Variants in CYLC1 observed in about 807,000 individuals in gnomAD.
CYLC1 encodes the protein cylicin-1.
A neutral mutation model predicts 31.6 loss-of-function variants in CYLC1; 2 were observed. The observed-to-expected ratio is 0.06, with a 90% confidence interval of 0.03 to 0.20. The LOEUF is 0.20. Ranked by LOEUF, CYLC1 falls within the 10% of genes least tolerant of loss-of-function variation. CYLC1 has a pLI of 1.00. For missense variants in CYLC1, 595 were observed against 424.1 expected, an observed-to-expected ratio of 1.40 and a Z score of -3.54; for synonymous variants, 185 against 153.0, an observed-to-expected ratio of 1.21 and a Z score of -1.54.
chrX:83,879,231 A>T (rs1381013810), intron 4 of CYLC1, among the ~76,000 whole-genome samples: 5 of 110,451 alleles, frequency 4.5e-5, no homozygotes, highest in African/African-American at 6.6e-5. Context: ...AATCATTTAG[A>T]TCCTCATGTC....
At chrX:83,878,057 T>C (rs1157872531) in intron 4 of CYLC1, among the ~76,000 whole-genome samples, 5 of 63,415 alleles carry the variant, frequency 7.9e-5, no homozygotes, top group Non-Finnish European at 1.3e-4. Context: ...TATATATATT[T>C]GTATATAAAT....
At chrX:83,882,545 C>T (rs865973606) in intron 4 of CYLC1, among the ~76,000 whole-genome samples, 1 of 110,918 alleles carries the variant, frequency 9.0e-6, no homozygotes, top group Middle Eastern at 4.7e-3. Flanking sequence ...CTTCCCTTAA[C>T]TTCCCTGAGT....
At chrX:83,876,976 T>G (rs1295118850) in intron 4 of CYLC1, among the ~76,000 whole-genome samples, 1 of 110,789 alleles carries the variant, frequency 9.0e-6, no homozygotes, top group African/African-American at 3.3e-5. Context: ...AGCTCCAAAA[T>G]CTCTCCACTT....
rs1244035993 is a variant in CYLC1 at position 83,874,258 on chromosome X, C to T, written c.1550C>T (p.Thr517Ile). The part of the protein sequence containing the change: ...KDIKKDARKD[T>I]ESTDAEFDES... ...ATCAAGAAGGATGCAAGAAAGGACA[C>T]AGAGTCTACTGATGCTGAATTTGAT... The change falls in exon 4 of 5, where the codon ACA becomes ATA. Residue 517 changes from threonine (T) to isoleucine (I), a missense_variant. Coordinates refer to ENST00000329312, the MANE Select transcript of CYLC1 (RefSeq NM_021118.3). The T allele has an allele frequency of 1.7e-6, 2 of 1,208,711 alleles. No individual in the cohort carries two copies. The highest frequency in any genetic ancestry group is 5.9e-5 in the East Asian group (2 of 33,710).
chrX:83,875,323 G>T (rs753573272), intron 4 of CYLC1, among the ~76,000 whole-genome samples: 1 of 111,390 alleles, frequency 9.0e-6, no homozygotes, highest in South Asian at 3.7e-4. Flanking sequence ...CCAATAGTCT[G>T]ATTGTAAGGG....
chrX:83,863,557 C>T (rs2031546261), intron 1 of CYLC1, among the ~76,000 whole-genome samples: 1 of 110,922 alleles, frequency 9.0e-6, no homozygotes, highest in Admixed American at 9.6e-5. Flanking sequence ...AAATTTAAAC[C>T]TCTAATCATG....
intron 4 of CYLC1, among the ~76,000 whole-genome samples, chrX:83,876,953 G>A (rs1205884334): frequency 9.1e-6 from 1 of 110,453 alleles, no homozygotes; most frequent in African/African-American, 3.3e-5. Flanking sequence ...CTCCAGTTAT[G>A]ACCTTCTAAT....
intron 4 of CYLC1, among the ~76,000 whole-genome samples, chrX:83,876,454 A>T (rs990732847): frequency 2.7e-5 from 3 of 111,484 alleles, no homozygotes; most frequent in Non-Finnish European, 5.7e-5. Flanking sequence ...TATAAGAAAA[A>T]AATTGAATAC....
At chrX:83,872,043 T>C (rs2031673443) in intron 3 of CYLC1, among the ~76,000 whole-genome samples, 1 of 111,226 alleles carries the variant, frequency 9.0e-6, no homozygotes, top group Admixed American at 9.6e-5. Context: ...AAACAATTTT[T>C]AAAGCATCTC....
chrX:83,867,308 T>G (rs755850119), intron 1 of CYLC1, among the ~76,000 whole-genome samples: 49 of 111,767 alleles, frequency 4.4e-4, no homozygotes, highest in Non-Finnish European at 7.4e-4. Context: ...AGGCTTTTTC[T>G]ATCACACTCC....
chrX:83,866,105 A>G (rs73513427), intron 1 of CYLC1, among the ~76,000 whole-genome samples: 7,165 of 111,318 alleles, frequency 0.064, 517 homozygotes, highest in African/African-American at 0.22. Context: ...TCTAAATCAG[A>G]TATAGTGAGA....
At chrX:83,879,807 G>C (rs1056124961) in intron 4 of CYLC1, among the ~76,000 whole-genome samples, 1 of 111,215 alleles carries the variant, frequency 9.0e-6, no homozygotes, top group African/African-American at 3.3e-5. Context: ...TGGCAGCTGG[G>C]AGCAGGAGGA....
rs369127879 is a variant in CYLC1 at position 83,874,646 on chromosome X, G to C, written c.1923+15G>C. 18 of 1,150,999 alleles carry C rather than the reference G, an allele frequency of 1.6e-5. No individual in the cohort carries two copies. The African/African-American group carries it at 3.1e-4, about 20-fold the overall frequency. The allele number at this position is 1,150,999 out of a possible 1,213,427, so 94.9% of individuals were successfully genotyped here. On this transcript the variant is annotated intron_variant, in intron 4 of 4. Transcript: ENST00000329312. Reference sequence around the variant, plus strand: ...ATGCTCCTTTGGTAAGTTTACTACTGTTTTATATTTAGGCTGAAATGGATA... The same window carrying C: ...ATGCTCCTTTGGTAAGTTTACTACTCTTTTATATTTAGGCTGAAATGGATA...
intron 2 of CYLC1, among the ~76,000 whole-genome samples, chrX:83,871,183 A>G (rs1265789685): frequency 9.0e-6 from 1 of 111,046 alleles, no homozygotes; most frequent in Non-Finnish European, 1.9e-5. Flanking sequence ...TAATTTTACC[A>G]TCATGATTTA....
At chrX:83,864,676 T>C (rs2031567908) in intron 1 of CYLC1, 1 of 318,665 alleles carries the variant, frequency 3.1e-6, no homozygotes, top group Non-Finnish European at 6.1e-6. Context: ...TTACTGGAGA[T>C]AATCACTATT....
intron 3 of CYLC1, among the ~76,000 whole-genome samples, chrX:83,872,224 C>A (rs2031675988): frequency 9.0e-6 from 1 of 111,041 alleles, no homozygotes; most frequent in Admixed American, 9.6e-5. Flanking sequence ...TAAAATCAGT[C>A]TTTATGGTTA....
At chrX:83,879,255 C>T (rs1020226930) in intron 4 of CYLC1, among the ~76,000 whole-genome samples, 2 of 110,176 alleles carry the variant, frequency 1.8e-5, no homozygotes, top group African/African-American at 6.6e-5. Flanking sequence ...TTTCTGATGC[C>T]AAATCCCCCT....
chrX:83,882,099 C>T (rs1165744296), intron 4 of CYLC1, among the ~76,000 whole-genome samples: 1 of 111,199 alleles, frequency 9.0e-6, no homozygotes, highest in Non-Finnish European at 1.9e-5. Context: ...ACTGAATGCC[C>T]CAGACAGACA....
In CYLC1 at chrX:83,874,290, T is replaced by C. The variant is rs2031726442; in HGVS notation, c.1582T>C (p.Ser528Pro). 1 of 1,209,727 alleles carries C rather than the reference T, an allele frequency of 8.3e-7. No homozygotes were observed. Among genetic ancestry groups the C allele is most frequent in the South Asian group, 1.8e-5 (1 of 56,786 alleles). Residue 528 changes from serine to proline, a missense_variant, in exon 4 of 5, where the codon TCC (serine) becomes CCC (proline). Coordinates refer to ENST00000329312, the MANE Select transcript of CYLC1 (RefSeq NM_021118.3). The part of the protein sequence containing the change: ...ESTDAEFDES[S>P]KTGFKTSTKI... ...TACTGATGCTGAATTTGATGAATCT[T>C]CCAAGACAGGCTTTAAAACATCTAC...
Sources: allele counts gnomAD v4.1 joint callset (sites outside exome capture counted in the v4.1 genomes callset), GRCh38; gene constraint gnomAD v4.1.1; transcripts MANE v1.5; gene names NCBI Gene and HGNC (gene_info 2026-07-23, HGNC 2026-07-21).